Variants in GALNTL6 observed in about 807,000 individuals in gnomAD.
GALNTL6 encodes polypeptide N-acetylgalactosaminyltransferase-like 6.
Under a neutral mutation model 73.7 loss-of-function variants are expected in GALNTL6, and 46 were observed. The observed-to-expected ratio is 0.62, with a 90% confidence interval of 0.49 to 0.80. The LOEUF is 0.80. Among genes scored for constraint, GALNTL6 ranks in the 30% least tolerant of loss-of-function variants. The pLI is 0.00. For synonymous variants in GALNTL6, 259 were observed against 263.7 expected, an observed-to-expected ratio of 0.98 and a Z score of 0.17; for missense variants, 604 against 755.0, an observed-to-expected ratio of 0.80 and a Z score of 2.34.
intron 2 of GALNTL6, chr4:172,052,456 G>T (rs1374202525): frequency 6.5e-7 from 1 of 1,535,160 alleles, no homozygotes; most frequent in African/African-American, 1.4e-5. Context: ...TGAGAGCCAA[G>T]TTCAGAGCCG....
intron 5 of GALNTL6, among the ~76,000 whole-genome samples, chr4:172,688,544 A>G (rs1311229783): frequency 6.6e-6 from 1 of 152,178 alleles, no homozygotes. Flanking sequence ...CCTTATTTCA[A>G]TATTCCGCCC....
At chr4:172,914,324 A>G (rs1195927258) in intron 8 of GALNTL6, among the ~76,000 whole-genome samples, 2 of 152,202 alleles carry the variant, frequency 1.3e-5, no homozygotes, top group African/African-American at 4.8e-5. Context: ...TCAATGCTAG[A>G]TAGAAATTGC....
intron 11 of GALNTL6, among the ~76,000 whole-genome samples, chr4:173,017,807 A>C (rs1424049214): frequency 2.0e-5 from 3 of 152,228 alleles, no homozygotes; most frequent in Non-Finnish European, 2.9e-5. Flanking sequence ...CCTCAGATAT[A>C]ATTGTGACAA....
At chr4:173,033,004 T>A (rs1317949309) in intron 12 of GALNTL6, among the ~76,000 whole-genome samples, 2 of 152,150 alleles carry the variant, frequency 1.3e-5, no homozygotes, top group African/African-American at 4.8e-5. Context: ...ACATTATTTC[T>A]TTTCTTTTTT....
At chr4:172,788,906 T>A (rs1739835828) in intron 5 of GALNTL6, among the ~76,000 whole-genome samples, 1 of 151,996 alleles carries the variant, frequency 6.6e-6, no homozygotes, top group Non-Finnish European at 1.5e-5. Context: ...AAAAGGAAAA[T>A]GTATTCATTC....
chr4:172,792,333 G>GTA (rs1740040640), intron 5 of GALNTL6, among the ~76,000 whole-genome samples: 1 of 62,218 alleles, frequency 1.6e-5, no homozygotes, highest in Non-Finnish European at 4.1e-5. Context: ...ATGCATATAT[G>GTA]TATATATATA....
chr4:172,973,828 T>C (rs1389055902), intron 10 of GALNTL6, among the ~76,000 whole-genome samples: 3 of 152,178 alleles, frequency 2.0e-5, no homozygotes, highest in Admixed American at 6.5e-5. Context: ...TTTGAAAAGC[T>C]TGCTAAAGTA....
chr4:172,278,741 A>G (rs1283786347), intron 3 of GALNTL6, among the ~76,000 whole-genome samples: 1 of 152,202 alleles, frequency 6.6e-6, no homozygotes, highest in Non-Finnish European at 1.5e-5. Flanking sequence ...ATGTTTCAAA[A>G]AAATTAAGAA....
intron 6 of GALNTL6, 80 bp from the exon 7 acceptor site, chr4:172,813,460 C>A: frequency 8.3e-7 from 1 of 1,204,156 alleles, no homozygotes; most frequent in Non-Finnish European, 1.2e-6. Context: ...TAGTGGAGGA[C>A]TGTAGGCTTC....
At chr4:172,158,660 A>G (rs1266138580) in intron 2 of GALNTL6, among the ~76,000 whole-genome samples, 1 of 152,192 alleles carries the variant, frequency 6.6e-6, no homozygotes, top group African/African-American at 2.4e-5. Flanking sequence ...CCAAGTGGCA[A>G]AGTTAAACAG....
At chr4:172,213,623 T>G (rs1736401182) in intron 2 of GALNTL6, among the ~76,000 whole-genome samples, 1 of 152,202 alleles carries the variant, frequency 6.6e-6, no homozygotes, top group Non-Finnish European at 1.5e-5. Context: ...TTTGTTTTCT[T>G]GTTATTAAAC....
At chr4:172,714,306 AACACACACAC>A (rs3084330) in intron 5 of GALNTL6, among the ~76,000 whole-genome samples, 98 of 149,276 alleles carry the variant, frequency 6.6e-4, no homozygotes, top group African/African-American at 2.0e-3. Flanking sequence ...TTTCACACCA[AACACACACAC>A]ACACACACAC....
chr4:172,331,219 T>C (rs1397348517), intron 4 of GALNTL6, among the ~76,000 whole-genome samples: 1 of 151,652 alleles, frequency 6.6e-6, no homozygotes, highest in Non-Finnish European at 1.5e-5. Context: ...AATATGTGTG[T>C]AGATATTACA....
intron 2 of GALNTL6, among the ~76,000 whole-genome samples, chr4:172,135,476 G>T (rs931882321): frequency 2.0e-5 from 3 of 151,822 alleles, no homozygotes; most frequent in African/African-American, 7.3e-5. Context: ...TTAAATAAAA[G>T]CAATAACAAA....
At chr4:172,568,650 C>A (rs989368371) in intron 5 of GALNTL6, among the ~76,000 whole-genome samples, 1 of 141,810 alleles carries the variant, frequency 7.1e-6, no homozygotes, top group Non-Finnish European at 1.5e-5. Flanking sequence ...CCCAGCTACT[C>A]GGGAGGCTGA....
intron 10 of GALNTL6, among the ~76,000 whole-genome samples, chr4:173,000,580 G>A (rs1752003707): frequency 6.6e-6 from 1 of 152,088 alleles, no homozygotes; most frequent in South Asian, 2.1e-4. Context: ...GAATCTCAAA[G>A]GAACCTGAAT....
intron 2 of GALNTL6, among the ~76,000 whole-genome samples, chr4:172,158,219 A>C (rs542162319): frequency 3.0e-4 from 46 of 152,318 alleles, no homozygotes; most frequent in African/African-American, 1.1e-3. Context: ...TATAACTATC[A>C]AATATTTGAT....
At chr4:172,930,259 CAA>C (rs1414784603) in intron 8 of GALNTL6, among the ~76,000 whole-genome samples, 1 of 151,014 alleles carries the variant, frequency 6.6e-6, no homozygotes, top group Non-Finnish European at 1.5e-5. Flanking sequence ...ACCTAGGCAA[CAA>C]GAGTGAAACT....
chr4:172,921,027 G>C (rs1034989105), intron 8 of GALNTL6, among the ~76,000 whole-genome samples: 6 of 152,160 alleles, frequency 3.9e-5, no homozygotes, highest in African/African-American at 1.4e-4. Flanking sequence ...AAGGAGATGA[G>C]GGAACTAGGC....
Sources: gnomAD v4.1 joint callset for allele counts (sites outside exome capture counted in the v4.1 genomes callset) on GRCh38, gnomAD v4.1.1 for gene constraint, MANE v1.5 for transcripts, NCBI Gene and HGNC (gene_info 2026-07-23, HGNC 2026-07-21) for gene names.